The following CHST8 variants were observed in gnomAD, a reference collection of about 807,000 sequenced individuals.
CHST8 encodes carbohydrate sulfotransferase 8.
CHST8 carries 10 observed loss-of-function variants against 15.0 expected under a neutral mutation model. The observed-to-expected ratio is 0.67, with a 90% CI of 0.41 to 1.13. CHST8 has a LOEUF of 1.13. Ranked by LOEUF, CHST8 falls within the 50% of genes most tolerant of loss-of-function variation. The pLI is 0.00. For synonymous variants in CHST8, 259 were observed against 256.6 expected (o/e 1.01, Z -0.09); for missense variants, 634 against 608.2 (o/e 1.04, Z -0.45).
At chr19:33,684,596 T>G (rs184148202) in intron 2 of CHST8, 1 of 152,312 alleles carries the variant, frequency 6.6e-6, no homozygotes, top group Non-Finnish European at 1.5e-5. Flanking sequence ...AGCTGCAGGA[T>G]TTTTAATGAG....
At chr19:33,681,900 C>T (rs1172277661) in intron 2 of CHST8, among the ~76,000 whole-genome samples, 2 of 149,266 alleles carry the variant, frequency 1.3e-5, no homozygotes, top group African/African-American at 4.9e-5. Context: ...GAGTTTCGCT[C>T]TTGTCACCCA....
intron 3 of CHST8, among the ~76,000 whole-genome samples, chr19:33,734,569 A>C (rs967027325): frequency 1.3e-5 from 2 of 152,162 alleles, no homozygotes; most frequent in Admixed American, 6.5e-5. Flanking sequence ...ATGGGGTGGC[A>C]GCTCACTGGG....
intron 3 of CHST8, among the ~76,000 whole-genome samples, chr19:33,760,614 T>C (rs113720572): frequency 6.6e-5 from 10 of 152,204 alleles, no homozygotes; most frequent in Non-Finnish European, 1.3e-4. Flanking sequence ...CCACTGTACC[T>C]GGCCCTGCCT....
intron 3 of CHST8, among the ~76,000 whole-genome samples, chr19:33,693,892 AG>A (rs957763690): frequency 2.1e-4 from 32 of 151,580 alleles, no homozygotes; most frequent in African/African-American, 7.8e-4. Flanking sequence ...GCCATTCATT[AG>A]GGGTTACACA....
chr19:33,703,229 G>A (rs899531005), intron 3 of CHST8, among the ~76,000 whole-genome samples: 1 of 152,216 alleles, frequency 6.6e-6, no homozygotes, highest in African/African-American at 2.4e-5. Context: ...GGGCCAAGGG[G>A]GAGGGCCTGG....
intron 3 of CHST8, among the ~76,000 whole-genome samples, chr19:33,724,416 C>A (rs937372349): frequency 6.6e-6 from 1 of 152,228 alleles, no homozygotes; most frequent in African/African-American, 2.4e-5. Context: ...ATGAGGATAC[C>A]CCCGGCCCCC....
intron 1 of CHST8, among the ~76,000 whole-genome samples, chr19:33,627,738 C>A (rs78161561): frequency 0.034 from 5,162 of 152,234 alleles, 302 homozygotes; most frequent in African/African-American, 0.12. Context: ...GTCCCACACT[C>A]CTGGTGCCAG....
chr19:33,772,196 G>T lies in CHST8; in HGVS notation c.408G>T (p.Arg136=). 1 of 1,594,534 alleles carries T rather than the reference G, an allele frequency of 6.3e-7. No individual in the cohort carries two copies. Among genetic ancestry groups the T allele is most frequent in the Non-Finnish European group, 8.5e-7 (1 of 1,173,554 alleles). The change falls in exon 5 of 5, where the codon CGG becomes CGT. Residue 136 remains arginine, a synonymous_variant. Coordinates refer to ENST00000650847, the MANE Select transcript of CHST8 (RefSeq NM_001127895.2). The stretch of plus-strand genomic sequence containing the variant: ...ACAGCTCGGACGCGCCCTTCATCCG[G>T]CCGGGACCCGGGACGCTGGATGGCC... ...PANSSDAPFI[R]PGPGTLDGRW...
At chr19:33,688,206 C>T (rs1392232353) in intron 2 of CHST8, among the ~76,000 whole-genome samples, 1 of 152,238 alleles carries the variant, frequency 6.6e-6, no homozygotes, top group African/African-American at 2.4e-5. Context: ...AACTTATATT[C>T]TTCCTTTGGG....
At chr19:33,656,819 A>G (rs1242552269) in intron 1 of CHST8, among the ~76,000 whole-genome samples, 1 of 152,152 alleles carries the variant, frequency 6.6e-6, no homozygotes, top group Non-Finnish European at 1.5e-5. Flanking sequence ...GATTACAGAC[A>G]TGTGTGGTTA....
At chr19:33,740,232 G>A (rs890799508) in intron 3 of CHST8, among the ~76,000 whole-genome samples, 6 of 152,284 alleles carry the variant, frequency 3.9e-5, no homozygotes, top group African/African-American at 1.4e-4. Flanking sequence ...CTCGTGGGTT[G>A]TGGTGTTTCT....
intron 3 of CHST8, among the ~76,000 whole-genome samples, chr19:33,751,260 C>T (rs1180181501): frequency 1.3e-5 from 2 of 152,182 alleles, no homozygotes; most frequent in Non-Finnish European, 2.9e-5. Flanking sequence ...CACGGCTTGG[C>T]TCGGTGTTGG....
intron 2 of CHST8, 67 bp from the exon 3 acceptor site, chr19:33,689,109 G>C: frequency 1.2e-6 from 1 of 813,190 alleles, no homozygotes; most frequent in Non-Finnish European, 1.8e-6. Context: ...TTGCTGCAGT[G>C]AGCAGGGCCT....
At chr19:33,740,817 G>C (rs1016647788) in intron 3 of CHST8, among the ~76,000 whole-genome samples, 1 of 152,120 alleles carries the variant, frequency 6.6e-6, no homozygotes, top group Non-Finnish European at 1.5e-5. Flanking sequence ...CATCTTGTGG[G>C]GGCTGTCCAT....
chr19:33,655,429 G>T (rs1972499656), intron 1 of CHST8, among the ~76,000 whole-genome samples: 1 of 152,110 alleles, frequency 6.6e-6, no homozygotes, highest in Admixed American at 6.5e-5. Flanking sequence ...GGCAGATTTT[G>T]GTACCAGGGT....
intron 3 of CHST8, among the ~76,000 whole-genome samples, chr19:33,741,477 AAC>A (rs896311043): frequency 1.3e-5 from 2 of 152,232 alleles, no homozygotes; most frequent in African/African-American, 4.8e-5. Context: ...CTATTTTTCA[AAC>A]CAGTGGTCAC....
intron 3 of CHST8, among the ~76,000 whole-genome samples, chr19:33,721,322 C>T (rs910892884): frequency 3.3e-5 from 5 of 152,288 alleles, no homozygotes; most frequent in Non-Finnish European, 7.4e-5. Context: ...CCTCTGAGAT[C>T]GGGCATCCTC....
chr19:33,759,652 G>A (rs1005894831), intron 3 of CHST8, among the ~76,000 whole-genome samples: 1 of 152,122 alleles, frequency 6.6e-6, no homozygotes, highest in African/African-American at 2.4e-5. Context: ...TCCTCCAACT[G>A]CCCTCTGGAT....
intron 2 of CHST8, among the ~76,000 whole-genome samples, chr19:33,669,627 C>G (rs1972709645): frequency 6.6e-6 from 1 of 152,198 alleles, no homozygotes. Flanking sequence ...CTGGAGGAGA[C>G]AAATCCTCAC....
Sources: allele counts gnomAD v4.1 joint callset (sites outside exome capture counted in the v4.1 genomes callset), GRCh38; gene constraint gnomAD v4.1.1; transcripts MANE v1.5; gene names NCBI Gene and HGNC (gene_info 2026-07-23, HGNC 2026-07-21).